The following SORBS2 variants were observed in gnomAD, a reference collection of about 807,000 sequenced individuals.
SORBS2 encodes the protein sorbin and SH3 domain-containing protein 2.
Under a neutral mutation model 97.7 loss-of-function variants are expected in SORBS2, and 46 were observed. That is an observed-to-expected ratio of 0.47 (90% CI 0.37 to 0.60). The LOEUF is 0.60. SORBS2 is among the 20% of genes least tolerant of loss of function. SORBS2 has a pLI of 0.00. For missense variants in SORBS2, 1,316 were observed against 1,282.3 expected (o/e 1.03, Z -0.40); for synonymous variants, 476 against 473.4 (o/e 1.01, Z -0.07).
At chr4:185,609,797 G>A (rs1297782606) in intron 12 of SORBS2, among the ~76,000 whole-genome samples, 1 of 152,192 alleles carries the variant, frequency 6.6e-6, no homozygotes, top group African/African-American at 2.4e-5. Flanking sequence ...AATAGGTTCT[G>A]TAGCGTTTAG....
chr4:185,657,084 G>A (rs116649630), upstream of SORBS2: 1,376 of 365,842 alleles, frequency 3.8e-3, 22 homozygotes, highest in African/African-American at 0.028. Flanking sequence ...CCATTGTCTT[G>A]TTCCTTCTCT....
At chr4:185,628,885 A>C (rs1200311367) in intron 5 of SORBS2, among the ~76,000 whole-genome samples, 1 of 152,230 alleles carries the variant, frequency 6.6e-6, no homozygotes, top group Non-Finnish European at 1.5e-5. Flanking sequence ...GAGTTTGAGT[A>C]CAGTATCATT....
intron 4 of SORBS2, among the ~76,000 whole-genome samples, chr4:185,637,842 A>G (rs1166888879): frequency 6.6e-6 from 1 of 152,112 alleles, no homozygotes; most frequent in Non-Finnish European, 1.5e-5. Flanking sequence ...TGAACTTGTA[A>G]TGAATTAGAT....
Position 185,684,880 on chromosome 4 carries a change from G to A in SORBS2, c.-197-6058C>T, listed in dbSNP as rs1243899812. ...AAAAAAATGATATAGCAGAGGCCAAGGCAACGGGAAAAGCACGTGCAATAT... is the reference window on the plus strand; with the variant it reads ...AAAAAAATGATATAGCAGAGGCCAAAGCAACGGGAAAAGCACGTGCAATAT... On this transcript the variant is annotated intron_variant, in intron 2 of 20. Coordinates refer to the SORBS2 transcript ENST00000284776. This position sits in a 1 kb window ranked among gnomAD's most constrained non-coding sequence, Gnocchi z 4.2. 6.6e-7 allele frequency: 1 copy of A among 1,508,242 alleles called. No individual in the cohort carries two copies. The highest frequency in any genetic ancestry group is 1.4e-5 in the African/African-American group (1 of 72,220). The allele number at this position is 1,508,242 out of a possible 1,614,324, so 93.4% of individuals were successfully genotyped here. A position where few individuals can be genotyped will look rare whatever the true frequency, so the allele number is the denominator to read the frequency against.
intron 2 of SORBS2, among the ~76,000 whole-genome samples, chr4:185,752,952 A>G (rs987314425): frequency 6.6e-6 from 1 of 152,240 alleles, no homozygotes; most frequent in African/African-American, 2.4e-5. Context: ...ATTGACATTA[A>G]TATGCCACAC....
chr4:185,859,307 G>A (rs1421586555), intron 1 of SORBS2, among the ~76,000 whole-genome samples: 1 of 152,156 alleles, frequency 6.6e-6, no homozygotes, highest in South Asian at 2.1e-4. Context: ...TTTTTCCCAT[G>A]AGACAAAACT....
At chr4:185,657,165 A>C (rs1056274863), upstream of SORBS2, 5 of 352,992 alleles carry the variant, frequency 1.4e-5, no homozygotes, top group African/African-American at 1.1e-4. Flanking sequence ...AAACTAAACC[A>C]CACAACACAG....
chr4:185,746,095 T>C (rs143175138), intron 2 of SORBS2, among the ~76,000 whole-genome samples: 28 of 152,216 alleles, frequency 1.8e-4, no homozygotes, highest in African/African-American at 6.5e-4. Flanking sequence ...CAAGGGGCCT[T>C]TGGGTAAGAT....
chr4:185,702,659 CTT>C (rs35920261), intron 2 of SORBS2, among the ~76,000 whole-genome samples: 43 of 147,454 alleles, frequency 2.9e-4, no homozygotes, highest in Non-Finnish European at 3.6e-4. Flanking sequence ...TGTTACATGA[CTT>C]TTTTTTTTTT....
intron 1 of SORBS2, among the ~76,000 whole-genome samples, chr4:185,819,679 C>G (rs2099195504): frequency 6.6e-6 from 1 of 152,172 alleles, no homozygotes; most frequent in African/African-American, 2.4e-5. Context: ...GGTCACCTGT[C>G]AGTGCAGGGA....
intron 1 of SORBS2, among the ~76,000 whole-genome samples, chr4:185,806,632 TA>T (rs2099157631): frequency 1.3e-5 from 2 of 151,638 alleles, no homozygotes; most frequent in South Asian, 2.1e-4. Flanking sequence ...TAATTTTTTG[TA>T]TTTTTTAGTA....
intron 2 of SORBS2, among the ~76,000 whole-genome samples, chr4:185,746,069 G>T (rs2098757936): frequency 6.6e-6 from 1 of 152,222 alleles, no homozygotes; most frequent in African/African-American, 2.4e-5. Context: ...GGGAAAAGCA[G>T]CAGGTGGCTT....
At chr4:185,843,545 T>TA (rs2153678240) in intron 1 of SORBS2, among the ~76,000 whole-genome samples, 1 of 152,132 alleles carries the variant, frequency 6.6e-6, no homozygotes, top group Admixed American at 6.5e-5. Flanking sequence ...TTCCATATGG[T>TA]AGAAATAAAC....
At chr4:185,855,749 T>C (rs1473268331) in intron 1 of SORBS2, among the ~76,000 whole-genome samples, 1 of 152,192 alleles carries the variant, frequency 6.6e-6, no homozygotes, top group East Asian at 1.9e-4. Flanking sequence ...TATAACTTAT[T>C]ACGCACCAAA....
chr4:185,674,409 C>T (rs566112580), intron 4 of SORBS2, among the ~76,000 whole-genome samples: 15 of 152,248 alleles, frequency 9.9e-5, no homozygotes, highest in East Asian at 5.8e-4. Context: ...TCCTCTGCTG[C>T]CCCCTGCTTT....
chr4:185,617,272 G>A (rs187087158), intron 9 of SORBS2, among the ~76,000 whole-genome samples: 12 of 152,118 alleles, frequency 7.9e-5, no homozygotes, highest in Admixed American at 7.2e-4. Context: ...AGTTAGGACC[G>A]GAGTACAGTA....
At chr4:185,693,578 C>A (rs964727423) in intron 2 of SORBS2, among the ~76,000 whole-genome samples, 1 of 152,138 alleles carries the variant, frequency 6.6e-6, no homozygotes, top group Non-Finnish European at 1.5e-5. Context: ...TTATGAGGAC[C>A]TTTCCCAAAT....
chr4:185,664,762 C>T lies in SORBS2; in HGVS notation c.-45-2520G>A, dbSNP rs147447588. On this transcript the variant is annotated intron_variant, in intron 4 of 20. Transcript: ENST00000284776. ...TATGGCTTATTATAACATTTCTCTG[C>T]GCATAAAATTTGCAGACTTATCAGC... Among the ~76,000 whole-genome samples, 538 of 152,232 alleles carry T rather than the reference C, an allele frequency of 3.5e-3. 3 individuals are homozygous for T. Among genetic ancestry groups the T allele is most frequent in the Non-Finnish European group, 5.7e-3 (390 of 68,016 alleles).
intron 9 of SORBS2, 78 bp from the exon 22 acceptor site, chr4:185,615,237 C>T: frequency 4.7e-6 from 4 of 859,068 alleles, no homozygotes; most frequent in Non-Finnish European, 6.0e-6. Flanking sequence ...GCTAGATCTG[C>T]ATTTGTTTGG....
Sources: allele counts gnomAD v4.1 joint callset (sites outside exome capture counted in the v4.1 genomes callset), GRCh38; gene constraint gnomAD v4.1.1; non-coding constraint Gnocchi (gnomAD v3.1); transcripts MANE v1.5; gene names NCBI Gene and HGNC (gene_info 2026-07-23, HGNC 2026-07-21).